The following OGDH variants were observed in gnomAD, a reference collection of about 807,000 sequenced individuals.
OGDH encodes the protein 2-oxoglutarate dehydrogenase complex component E1.
OGDH carries 38 observed loss-of-function variants against 116.6 expected under a neutral mutation model. That is an observed-to-expected ratio of 0.33 (90% CI 0.25 to 0.43). OGDH has a LOEUF of 0.43. Ranked by LOEUF, OGDH falls within the 20% of genes least tolerant of loss-of-function variation. The probability of loss-of-function intolerance (pLI) is 1.00; values close to 1 mark genes in which losing one functional copy is unlikely to be tolerated. For missense variants in OGDH, 825 were observed against 1,357.2 expected, an observed-to-expected ratio of 0.61 and a Z score of 6.16; for synonymous variants, 488 against 533.3, an observed-to-expected ratio of 0.92 and a Z score of 1.17.
At chr7:44,628,646 C>G (rs995120490) in intron 2 of OGDH, among the ~76,000 whole-genome samples, 1 of 151,266 alleles carries the variant, frequency 6.6e-6, no homozygotes, top group Non-Finnish European at 1.5e-5. Flanking sequence ...GATGGAGTCT[C>G]TTTATGTTGT....
chr7:44,608,478 C>A (rs1168468699), intron 1 of OGDH, among the ~76,000 whole-genome samples: 3 of 151,924 alleles, frequency 2.0e-5, no homozygotes, highest in Non-Finnish European at 4.4e-5. Context: ...GTGGGTGGAT[C>A]CCCTGAGGTT....
At chr7:44,618,914 C>A (rs1278819192) in intron 1 of OGDH, among the ~76,000 whole-genome samples, 2 of 152,210 alleles carry the variant, frequency 1.3e-5, no homozygotes, top group African/African-American at 4.8e-5. Flanking sequence ...ACAAACAGGC[C>A]TGGCTGGGTT....
chr7:44,626,723 G>A (rs1383877333), intron 2 of OGDH, among the ~76,000 whole-genome samples: 2 of 152,164 alleles, frequency 1.3e-5, no homozygotes, highest in South Asian at 2.1e-4. Flanking sequence ...TGGTTTTTGT[G>A]GGGGCATGGT....
chr7:44,618,991 T>C (rs1204680781), intron 1 of OGDH, among the ~76,000 whole-genome samples: 1 of 152,250 alleles, frequency 6.6e-6, no homozygotes, highest in Admixed American at 6.5e-5. Context: ...CATGGTTATC[T>C]ATGCTTCAGT....
intron 4 of OGDH, among the ~76,000 whole-genome samples, chr7:44,650,950 C>T (rs1053580400): frequency 6.6e-6 from 1 of 152,174 alleles, no homozygotes; most frequent in African/African-American, 2.4e-5. Flanking sequence ...GATGCAGGCA[C>T]AGTTTCTCCC....
At chr7:44,637,804 G>A (rs1448718902) in intron 2 of OGDH, among the ~76,000 whole-genome samples, 1 of 150,744 alleles carries the variant, frequency 6.6e-6, no homozygotes, top group Non-Finnish European at 1.5e-5. Flanking sequence ...GGGCGATAGA[G>A]CCAGACTCTG....
Position 44,640,253 on chromosome 7 carries a change from C to T in OGDH, c.223-5074C>T, listed in dbSNP as rs146914910. ...AGAGTGACCAGAGTTCTTTAAGCGT[C>T]GCTCTGCTATTACTCAGTTAACCTT... On this transcript the variant is annotated intron_variant, in intron 2 of 22. Coordinates refer to ENST00000222673, the MANE Select transcript of OGDH (RefSeq NM_002541.4). Among the ~76,000 whole-genome samples, 726 of 152,278 alleles carry T rather than the reference C, an allele frequency of 4.8e-3. 1 individual carries two copies. The highest frequency in any genetic ancestry group is 0.016 in the African/African-American group (680 of 41,534).
Position 44,700,191 on chromosome 7 carries a change from G to T in OGDH, c.2481G>T (p.Trp827Cys), listed in dbSNP as rs771406559. ...FDINQLYDCN[W>C]VVVNCSTPGN... Reference sequence around the variant, plus strand: ...TCAATCAGCTATATGACTGCAATTGGGTTGTTGTCAACTGCTCCACTCCTG... The same window carrying T: ...TCAATCAGCTATATGACTGCAATTGTGTTGTTGTCAACTGCTCCACTCCTG... The change falls in exon 19 of 23, where the codon TGG (tryptophan) becomes TGT (cysteine). Residue 827 changes from tryptophan (W) to cysteine (C), a missense_variant. Physicochemically the swap from Trp to Cys is radical, Grantham distance 215. Transcript: ENST00000222673. 6.2e-7 allele frequency: 1 copy of T among 1,614,172 alleles called. No individual in the cohort carries two copies. Among genetic ancestry groups the T allele is most frequent in the Non-Finnish European group, 8.5e-7 (1 of 1,180,004 alleles).
intron 1 of OGDH, among the ~76,000 whole-genome samples, chr7:44,613,342 T>TTTTG (rs978484092): frequency 6.6e-6 from 1 of 151,688 alleles, no homozygotes; most frequent in Admixed American, 6.6e-5. Flanking sequence ...CACCTGGCTG[T>TTTTG]TTTGTTTGTT....
rs370404911 is a variant in OGDH at position 44,676,189 on chromosome 7, G to T, written c.1206+40G>T. The T allele has an allele frequency of 1.9e-6, 3 of 1,613,808 alleles. No homozygotes were observed. In the African/African-American group the frequency reaches 4.0e-5, roughly 22 times the overall value. On this transcript the variant is annotated intron_variant, in intron 9 of 22. Transcript: ENST00000222673. ...GAGGCGTGCAAGGCAGATCGTCAAG[G>T]CCCCATGTTCCAGCATGGAGTTCCG...
In OGDH at chr7:44,670,872, G is replaced by A. The variant is rs548041311; in HGVS notation, c.634-2915G>A. On this transcript the variant is annotated intron_variant, in intron 5 of 22. Coordinates refer to ENST00000222673, the MANE Select transcript of OGDH (RefSeq NM_002541.4). Reference sequence around the variant, plus strand: ...AAAAATAGAAGAAAATTAGCTGGGCGTGGTGGCGGGCACCTGTAGTCCCAA... The same window carrying A: ...AAAAATAGAAGAAAATTAGCTGGGCATGGTGGCGGGCACCTGTAGTCCCAA... 8.6e-5 allele frequency among the ~76,000 whole-genome samples: 13 copies of A among 151,944 alleles called. No homozygotes were observed. In the East Asian group the frequency reaches 9.7e-4, roughly 11 times the overall value.
chr7:44,687,490 A>G (rs1788183905), intron 10 of OGDH, among the ~76,000 whole-genome samples: 1 of 152,036 alleles, frequency 6.6e-6, no homozygotes, highest in Non-Finnish European at 1.5e-5. Flanking sequence ...ATCTAGACTC[A>G]CTGCAGCCTC....
intron 1 of OGDH, among the ~76,000 whole-genome samples, chr7:44,615,157 G>C (rs1307350999): frequency 6.6e-6 from 1 of 152,176 alleles, no homozygotes; most frequent in Admixed American, 6.5e-5. Context: ...TTGGTGTAAA[G>C]AGTGATCTTT....
intron 4 of OGDH, among the ~76,000 whole-genome samples, chr7:44,661,323 C>T (rs1001547160): frequency 1.3e-5 from 2 of 152,242 alleles, no homozygotes; most frequent in East Asian, 3.9e-4. Context: ...CCCTTTACTT[C>T]AACTTGTCTA....
chr7:44,638,237 T>C (rs1285627982), intron 2 of OGDH, among the ~76,000 whole-genome samples: 1 of 152,114 alleles, frequency 6.6e-6, no homozygotes, highest in Non-Finnish European at 1.5e-5. Flanking sequence ...TAGTGATGGG[T>C]TGCAACTTGG....
chr7:44,637,798 G>A (rs1343617141), intron 2 of OGDH, among the ~76,000 whole-genome samples: 1 of 150,546 alleles, frequency 6.6e-6, no homozygotes, highest in Non-Finnish European at 1.5e-5. Context: ...CAGCCCGGGC[G>A]ATAGAGCCAG....
chr7:44,692,166 A>AT (rs1246002090), intron 10 of OGDH, among the ~76,000 whole-genome samples: 3 of 152,076 alleles, frequency 2.0e-5, no homozygotes, highest in Non-Finnish European at 4.4e-5. Context: ...CTAGGATTAG[A>AT]TTGCAAAAAA....
chr7:44,663,059 A>T (rs954136016), intron 4 of OGDH, among the ~76,000 whole-genome samples: 1 of 151,972 alleles, frequency 6.6e-6, no homozygotes, highest in Non-Finnish European at 1.5e-5. Flanking sequence ...TTATCCATTT[A>T]TATGTATGTG....
chr7:44,633,079 C>G (rs1785512156), intron 2 of OGDH, among the ~76,000 whole-genome samples: 1 of 150,982 alleles, frequency 6.6e-6, no homozygotes, highest in African/African-American at 2.4e-5. Flanking sequence ...TGGTGAAACC[C>G]TGTCTGTACT....
Sources: allele counts gnomAD v4.1 joint callset (sites outside exome capture counted in the v4.1 genomes callset), GRCh38; gene constraint gnomAD v4.1.1; transcripts MANE v1.5; gene names NCBI Gene and HGNC (gene_info 2026-07-23, HGNC 2026-07-21).